The following DAB1 variants were observed in gnomAD, a reference collection of about 807,000 sequenced individuals.
DAB1 encodes DAB adaptor protein 1.
Under a neutral mutation model 64.6 loss-of-function variants are expected in DAB1, and 15 were observed. That is an observed-to-expected ratio of 0.23 (90% CI 0.16 to 0.36). DAB1 has a LOEUF of 0.36. Ranked by LOEUF, DAB1 falls within the 10% of genes least tolerant of loss-of-function variation. The pLI is 1.00. For synonymous variants in DAB1, 235 were observed against 251.9 expected (o/e 0.93, Z 0.64); for missense variants, 596 against 706.7 (o/e 0.84, Z 1.78).
chr1:57,427,203 CT>C (rs1685324761), upstream of DAB1, among the ~76,000 whole-genome samples: 6 of 152,270 alleles, frequency 3.9e-5, no homozygotes, highest in Admixed American at 3.9e-4. Context: ...AATCAGTCAC[CT>C]GGTAAACATT....
chr1:57,638,430 A>T (rs1017583276), intron 7 of DAB1, among the ~76,000 whole-genome samples: 4 of 152,212 alleles, frequency 2.6e-5, no homozygotes, highest in African/African-American at 9.6e-5. Context: ...GAATGATGTC[A>T]TCTGCAATGG....
At chr1:58,473,450 G>A (rs966855168) in intron 3 of DAB1, among the ~76,000 whole-genome samples, 7 of 152,018 alleles carry the variant, frequency 4.6e-5, no homozygotes, top group Non-Finnish European at 1.0e-4. Context: ...GCTGAGGCAG[G>A]AGAATGGCGT....
intron 6 of DAB1, among the ~76,000 whole-genome samples, chr1:57,736,269 C>T (rs991622584): frequency 3.9e-5 from 6 of 152,218 alleles, no homozygotes; most frequent in South Asian, 2.1e-4. Context: ...AGCCAGAGAA[C>T]GGTGGGGAAA....
At chr1:57,192,236 G>A (rs1371876681) in intron 2 of DAB1, among the ~76,000 whole-genome samples, 1 of 151,592 alleles carries the variant, frequency 6.6e-6, no homozygotes, top group Non-Finnish European at 1.5e-5. Context: ...AGAATCACTT[G>A]AATCCACAAG....
At chr1:57,702,781 C>G (rs1219944153) in intron 6 of DAB1, among the ~76,000 whole-genome samples, 2 of 152,102 alleles carry the variant, frequency 1.3e-5, no homozygotes, top group Non-Finnish European at 2.9e-5. Flanking sequence ...TGCTACCAGA[C>G]TTCAAACTAT....
chr1:57,270,948 G>A (rs979635820), intron 2 of DAB1, among the ~76,000 whole-genome samples: 27 of 152,132 alleles, frequency 1.8e-4, no homozygotes, highest in African/African-American at 6.3e-4. Flanking sequence ...GGTGGGTGAG[G>A]GAGTGTGGGT....
chr1:57,620,141 C>T (rs1270339814), intron 7 of DAB1, among the ~76,000 whole-genome samples: 4 of 152,118 alleles, frequency 2.6e-5, no homozygotes, highest in Admixed American at 2.6e-4. Flanking sequence ...AAATGGCAAT[C>T]CTGGAGAATT....
chr1:57,292,722 A>G (rs1369399173), intron 1 of DAB1, among the ~76,000 whole-genome samples: 1 of 152,018 alleles, frequency 6.6e-6, no homozygotes, highest in East Asian at 2.0e-4. Context: ...ATGTTAACAG[A>G]CATTTACCAT....
chr1:57,731,020 C>T (rs961390639), intron 6 of DAB1, among the ~76,000 whole-genome samples: 3 of 152,142 alleles, frequency 2.0e-5, no homozygotes, highest in African/African-American at 7.2e-5. Context: ...CTTGTATACC[C>T]ATATTCAGAA....
intron 5 of DAB1, among the ~76,000 whole-genome samples, chr1:57,931,793 A>C (rs1420675087): frequency 6.6e-6 from 1 of 152,134 alleles, no homozygotes; most frequent in Non-Finnish European, 1.5e-5. Flanking sequence ...TTTACAAAGA[A>C]AAAGTTTTTG....
At chr1:58,402,427 G>A (rs1421675817) in intron 3 of DAB1, among the ~76,000 whole-genome samples, 4 of 152,162 alleles carry the variant, frequency 2.6e-5, no homozygotes, top group Non-Finnish European at 4.4e-5. Flanking sequence ...CCACAAATAG[G>A]CATCTTCCTT....
Position 58,462,481 on chromosome 1 carries a change from G to A in DAB1, n.257+43579C>T, listed in dbSNP as rs531838909. 7 of 152,234 alleles carry A rather than the reference G, an allele frequency of 4.6e-5. No homozygotes were observed. In the South Asian group the frequency reaches 8.3e-4, roughly 18 times the overall value. The allele number at this position is 152,234 out of a possible 1,614,324, so 9.4% of individuals were successfully genotyped here. On this transcript the variant is annotated intron_variant and non_coding_transcript_variant, in intron 3 of 20. Transcript: ENST00000485760. ...ATCTCAACCAGTAGCAATTTTTAGC[G>A]GTTCAGGGTATCCCCAAGCTGTTCT...
At position 58,064,883 on chromosome 1, in the gene DAB1, C is replaced by G. The variant is rs1468338861; in HGVS notation, n.387+85628G>C. On this transcript the variant is annotated intron_variant and non_coding_transcript_variant, in intron 5 of 20. Transcript: ENST00000485760. Reference sequence around the variant, plus strand: ...GACTACAGGCGCCCGCCACCACGCCCGGCTAATTTTTTGTATTTTTAGTAG... The same window carrying G: ...GACTACAGGCGCCCGCCACCACGCCGGGCTAATTTTTTGTATTTTTAGTAG... Among the ~76,000 whole-genome samples, 3 of 152,008 alleles carry G rather than the reference C, an allele frequency of 2.0e-5. No homozygotes were observed. The East Asian group carries it at 5.8e-4, about 29-fold the overall frequency.
chr1:58,091,001 C>A (rs1439741777), intron 5 of DAB1, among the ~76,000 whole-genome samples: 1 of 152,212 alleles, frequency 6.6e-6, no homozygotes, highest in Non-Finnish European at 1.5e-5. Flanking sequence ...AGTGCTCCTC[C>A]TCCACATCTC....
chr1:57,253,017 T>C (rs1669469780), intron 2 of DAB1, among the ~76,000 whole-genome samples: 1 of 152,166 alleles, frequency 6.6e-6, no homozygotes, highest in East Asian at 1.9e-4. Context: ...TTTTAATTAA[T>C]AGGAAGTTGG....
rs1168314048 is a variant in DAB1, at chr1:58,377,585, C to T, written n.258-34182G>A. Among the ~76,000 whole-genome samples, 73 of 136,998 alleles carry T rather than the reference C, an allele frequency of 5.3e-4. 9 individuals carry two copies. Among genetic ancestry groups the T allele is most frequent in the Non-Finnish European group, 9.4e-4 (58 of 61,666 alleles). The allele number at this position is 136,998 out of a possible 152,430, so 89.9% of individuals were successfully genotyped here. A position where few individuals can be genotyped will look rare whatever the true frequency, so the allele number is the denominator to read the frequency against. ...GATGGGCTTCCCTTTGAGGGTAACCCGACCTTTCTCTCTAGCTGCCCTTAA... is the reference window on the plus strand; with the variant it reads ...GATGGGCTTCCCTTTGAGGGTAACCTGACCTTTCTCTCTAGCTGCCCTTAA... On this transcript the variant is annotated intron_variant and non_coding_transcript_variant, in intron 3 of 20. Transcript: ENST00000485760.
At chr1:57,002,900 A>G (rs1272515646) in intron 14 of DAB1, among the ~76,000 whole-genome samples, 2 of 152,186 alleles carry the variant, frequency 1.3e-5, no homozygotes, top group Non-Finnish European at 2.9e-5. Flanking sequence ...TGTGAAGGAG[A>G]AAACATGTTG....
At chr1:57,707,981 C>T (rs1191820922) in intron 6 of DAB1, among the ~76,000 whole-genome samples, 1 of 152,208 alleles carries the variant, frequency 6.6e-6, no homozygotes, top group Non-Finnish European at 1.5e-5. Flanking sequence ...AGGAGTCTCT[C>T]TCCATGTGGG....
At chr1:57,233,938 C>A (rs169102) in intron 2 of DAB1, among the ~76,000 whole-genome samples, 6,375 of 152,072 alleles carry the variant, frequency 0.042, 248 homozygotes, top group African/African-American at 0.097. Context: ...ACATTGCCAG[C>A]TGCCAAAACG....
Sources: allele counts gnomAD v4.1 joint callset (sites outside exome capture counted in the v4.1 genomes callset), GRCh38; gene constraint gnomAD v4.1.1; transcripts MANE v1.5; gene names NCBI Gene and HGNC (gene_info 2026-07-23, HGNC 2026-07-21).